The following RUNX2 variants were observed in gnomAD, a reference collection of about 807,000 sequenced individuals.
The protein encoded by RUNX2 is RUNX family transcription factor 2, also known as runt-related transcription factor 2.
A neutral mutation model predicts 51.7 loss-of-function variants in RUNX2; 10 were observed. That is an observed-to-expected ratio of 0.19 (90% CI 0.12 to 0.33). The LOEUF (loss-of-function observed/expected upper bound fraction) is 0.33. Among genes scored for constraint, RUNX2 ranks in the 10% least tolerant of loss-of-function variants. The probability of loss-of-function intolerance (pLI) is 1.00; values close to 1 mark genes in which losing one functional copy is unlikely to be tolerated. For missense variants in RUNX2, 562 were observed against 691.3 expected (o/e 0.81, Z 2.10); for synonymous variants, 276 against 273.6 (o/e 1.01, Z -0.09).
intron 7 of RUNX2, among the ~76,000 whole-genome samples, chr6:45,532,851 C>T (rs1380077583): frequency 6.6e-6 from 1 of 151,220 alleles, no homozygotes; most frequent in Non-Finnish European, 1.5e-5. Flanking sequence ...GGAGCTACTA[C>T]TGGACTACTG....
At chr6:45,405,884 A>T (rs1032327453) in intron 2 of RUNX2, among the ~76,000 whole-genome samples, 1 of 152,202 alleles carries the variant, frequency 6.6e-6, no homozygotes, top group Non-Finnish European at 1.5e-5. Flanking sequence ...ATTACGATTT[A>T]CTACTTGTGT....
At chr6:45,518,298 A>G (rs1801393790) in intron 7 of RUNX2, among the ~76,000 whole-genome samples, 1 of 152,238 alleles carries the variant, frequency 6.6e-6, no homozygotes, top group African/African-American at 2.4e-5. Context: ...CCCTGTGTCA[A>G]AAATTGAATG....
chr6:45,462,307 C>T (rs1799499540), intron 5 of RUNX2, among the ~76,000 whole-genome samples: 1 of 152,142 alleles, frequency 6.6e-6, no homozygotes, highest in Non-Finnish European at 1.5e-5. Context: ...ATTGGTACTC[C>T]ACCGTTTACT....
intron 3 of RUNX2, among the ~76,000 whole-genome samples, chr6:45,424,582 G>A (rs767971456): frequency 6.6e-6 from 1 of 152,016 alleles, no homozygotes. Context: ...CAGTTTCTCC[G>A]CTGGGGACCC....
intron 5 of RUNX2, 149 bp downstream of exon 5, chr6:45,438,200 T>C: frequency 1.6e-6 from 1 of 630,224 alleles, no homozygotes; most frequent in Non-Finnish European, 2.9e-6. Context: ...TGAGGGAGAG[T>C]TAGTCAAACT....
At chr6:45,378,159 G>A (rs534494599) in intron 2 of RUNX2, among the ~76,000 whole-genome samples, 13 of 152,258 alleles carry the variant, frequency 8.5e-5, no homozygotes, top group Admixed American at 1.3e-4. Flanking sequence ...GGCTTGGGCA[G>A]CGCTGAGCCA....
intron 2 of RUNX2, among the ~76,000 whole-genome samples, chr6:45,390,462 G>A (rs1399825284): frequency 1.3e-5 from 2 of 152,178 alleles, no homozygotes; most frequent in African/African-American, 2.4e-5. Context: ...TAAAAGGATC[G>A]TTTGCTTTAT....
In RUNX2 at chr6:45,328,459, CAGTG is replaced by C. The variant is rs1454013541; in HGVS notation, c.-67+4_-67+7del. 6.8e-7 allele frequency: 1 copy of C among 1,471,818 alleles called. No individual in the cohort carries two copies. The highest frequency in any genetic ancestry group is 1.8e-5 in the Admixed American group (1 of 55,632). 91.2% of individuals were successfully genotyped at this position (1,471,818 alleles called of 1,614,324 possible). On this transcript the variant is annotated splice_donor_variant and splice_donor_region_variant and 5_prime_UTR_variant and intron_variant, in exon 1 of 9. Coordinates refer to ENST00000647337, the MANE Select transcript of RUNX2 (RefSeq NM_001024630.4). LOFTEE classifies it low-confidence loss of function (5UTR_SPLICE). The stretch of plus-strand genomic sequence containing the variant: ...TACCAGCCACCGAGACCAACAGAGT[CAGTG>C]AGTGCTCTCTAACCACAGTCTATGC...
At chr6:45,371,981 G>A (rs760889279) in intron 2 of RUNX2, 24 of 863,876 alleles carry the variant, frequency 2.8e-5, no homozygotes, top group African/African-American at 7.3e-5. Flanking sequence ...GAGGTCCCCC[G>A]ACACCTGGTC....
intron 2 of RUNX2, among the ~76,000 whole-genome samples, chr6:45,386,924 C>T (rs1453704060): frequency 1.3e-5 from 2 of 151,850 alleles, no homozygotes; most frequent in Non-Finnish European, 2.9e-5. Context: ...TTTTTTAATG[C>T]AATGACATAG....
chr6:45,396,927 C>T (rs1410279740), intron 2 of RUNX2, among the ~76,000 whole-genome samples: 1 of 152,102 alleles, frequency 6.6e-6, no homozygotes, highest in East Asian at 1.9e-4. Flanking sequence ...ACATTTGGAT[C>T]ATTTCCACTT....
rs1319458779 is a variant in RUNX2 at position 45,546,988 on chromosome 6, C to G, written c.1249C>G (p.His417Asp). 1 of 1,614,086 alleles carries G rather than the reference C, an allele frequency of 6.2e-7. No individual in the cohort carries two copies. Residue 417 changes from histidine (H) to aspartate (D), a missense_variant, in exon 9 of 9, where the codon CAC becomes GAC. His to Asp is a moderately conservative substitution (Grantham distance 81). Transcript: ENST00000647337. ...GMSLGMSATT[H>D]YHTYLPPPYP... Reference sequence around the variant, plus strand: ...GTCCCTCGGTATGTCCGCCACCACTCACTACCACACCTACCTGCCACCACC... The same window carrying G: ...GTCCCTCGGTATGTCCGCCACCACTGACTACCACACCTACCTGCCACCACC...
At chr6:45,413,911 AGCTAGCCTTAG>A (rs1438548858) in intron 2 of RUNX2, among the ~76,000 whole-genome samples, 4 of 152,216 alleles carry the variant, frequency 2.6e-5, no homozygotes, top group Non-Finnish European at 4.4e-5. Context: ...TGGAGGCCCT[AGCTAGCCTTAG>A]GGGCAAAACT....
intron 5 of RUNX2, among the ~76,000 whole-genome samples, chr6:45,485,697 G>GTGTGTATATATATATATATATATATA (rs1219072282): frequency 2.7e-4 from 28 of 104,048 alleles, no homozygotes; most frequent in African/African-American, 8.8e-4. Context: ...GTGTGTGTGT[G>GTGTGTATATATATATATATATATATA]TATATATATA....
At chr6:45,508,220 CTTTTTTTTTTT>C (rs61501897) in intron 6 of RUNX2, among the ~76,000 whole-genome samples, 98 of 65,702 alleles carry the variant, frequency 1.5e-3, no homozygotes, top group Admixed American at 4.9e-3. Context: ...CTTATATTTC[CTTTTTTTTTTT>C]TTTTTTTTTT....
At chr6:45,491,815 A>T (rs1378247956) in intron 5 of RUNX2, 126 bp from the exon 6 acceptor site, 1 of 989,008 alleles carries the variant, frequency 1.0e-6, no homozygotes, top group African/African-American at 1.6e-5. Flanking sequence ...TAGACAAGTC[A>T]TTATAAATAT....
chr6:45,467,085 G>C (rs947222348), intron 5 of RUNX2, among the ~76,000 whole-genome samples: 1 of 152,076 alleles, frequency 6.6e-6, no homozygotes, highest in Non-Finnish European at 1.5e-5. Context: ...CTGTTGTCTT[G>C]AAGGTTGCTT....
At chr6:45,416,618 A>G (rs1353281934) in intron 2 of RUNX2, among the ~76,000 whole-genome samples, 1 of 152,238 alleles carries the variant, frequency 6.6e-6, no homozygotes, top group Non-Finnish European at 1.5e-5. Context: ...GACAATTGCC[A>G]ACACCAAAAT....
chr6:45,354,623 GCACACATA>G (rs1048490787), intron 2 of RUNX2, among the ~76,000 whole-genome samples: 2 of 100,726 alleles, frequency 2.0e-5, no homozygotes, highest in African/African-American at 8.0e-5. Flanking sequence ...ACAAATGCAC[GCACACATA>G]CACACACACA....
Sources: allele counts gnomAD v4.1 joint callset (sites outside exome capture counted in the v4.1 genomes callset), GRCh38; gene constraint gnomAD v4.1.1; transcripts MANE v1.5; gene names NCBI Gene and HGNC (gene_info 2026-07-23, HGNC 2026-07-21).